ADAMTS17: variants seen among roughly 807,000 people sequenced by gnomAD.
ADAMTS17 encodes the protein A disintegrin and metalloproteinase with thrombospondin motifs 17.
Under a neutral mutation model 141.5 loss-of-function variants are expected in ADAMTS17, and 113 were observed. The ratio of observed to expected loss-of-function variants is 0.80; its 90% CI spans 0.69 to 0.93. The LOEUF is 0.93. Ranked by LOEUF, ADAMTS17 falls within the 40% of genes least tolerant of loss-of-function variation. The pLI is 0.00. For missense variants in ADAMTS17, 1,659 were observed against 1,517.9 expected (o/e 1.09, Z -1.54); for synonymous variants, 768 against 630.6 (o/e 1.22, Z -3.27).
At chr15:100,067,509 C>T (rs1462371462) in intron 15 of ADAMTS17, among the ~76,000 whole-genome samples, 2 of 152,188 alleles carry the variant, frequency 1.3e-5, no homozygotes, top group Non-Finnish European at 2.9e-5. Context: ...TATTAGACTA[C>T]TCATAGTTTT....
intron 13 of ADAMTS17, among the ~76,000 whole-genome samples, chr15:100,113,225 A>G (rs1436086134): frequency 6.6e-6 from 1 of 152,204 alleles, no homozygotes; most frequent in African/African-American, 2.4e-5. Context: ...CAGAGAGGTC[A>G]TGTCTGCTCG....
At chr15:100,332,898 C>T (rs2046098033) in intron 2 of ADAMTS17, among the ~76,000 whole-genome samples, 1 of 152,198 alleles carries the variant, frequency 6.6e-6, no homozygotes, top group African/African-American at 2.4e-5. Context: ...AGGCTAGCAC[C>T]AGGAAGGAGG....
intron 15 of ADAMTS17, among the ~76,000 whole-genome samples, chr15:100,058,227 CT>C (rs1413476098): frequency 1.6e-4 from 6 of 37,688 alleles, no homozygotes; most frequent in Admixed American, 3.8e-4. Flanking sequence ...GGCTCCAACA[CT>C]CCTATCCCAG....
intron 12 of ADAMTS17, chr15:100,129,413 G>C (rs1363786546): frequency 6.6e-6 from 1 of 152,224 alleles, no homozygotes; most frequent in Non-Finnish European, 1.5e-5. Flanking sequence ...CCAAGTTTCA[G>C]ATGAAAAGAC....
At chr15:100,193,938 T>C (rs1329952480) in intron 8 of ADAMTS17, among the ~76,000 whole-genome samples, 102 of 152,244 alleles carry the variant, frequency 6.7e-4, no homozygotes, top group Non-Finnish European at 1.0e-4. Flanking sequence ...CCACTTGGGC[T>C]GGAGACCTCC....
intron 12 of ADAMTS17, 125 bp from the exon 13 acceptor site, chr15:100,117,138 C>T: frequency 1.8e-6 from 2 of 1,133,644 alleles, no homozygotes; most frequent in Non-Finnish European, 2.6e-6. Flanking sequence ...AAGCCACCCC[C>T]TCTCTGCTGT....
In ADAMTS17 at chr15:99,993,320, C is replaced by A. The variant is rs2060729127; in HGVS notation, c.2797-120G>T. ...GGGATGATACAAAGATGAAAACCCA[C>A]ACTTCTGTCCTCAAAAAGCTCCTGG... On this transcript the variant is annotated intron_variant, in intron 19 of 21. Coordinates refer to ENST00000268070, the MANE Select transcript of ADAMTS17 (RefSeq NM_139057.4). This position sits in a 1 kb window ranked among gnomAD's most constrained non-coding sequence, Gnocchi z 4.3. 1 of 1,425,424 alleles carries A rather than the reference C, an allele frequency of 7.0e-7. No individual in the cohort carries two copies. The highest frequency in any genetic ancestry group is 2.3e-5 in the East Asian group (1 of 43,940). The allele number at this position is 1,425,424 out of a possible 1,614,324, so 88.3% of individuals were successfully genotyped here.
At position 99,993,586 on chromosome 15, in the gene ADAMTS17, G is replaced by A. The variant is rs2060734955; in HGVS notation, c.2797-386C>T. On this transcript the variant is annotated intron_variant, in intron 19 of 21. Transcript: ENST00000268070. The surrounding 1 kb of genome is among the most constrained non-coding windows in gnomAD (Gnocchi z 4.3). ...GAACAGGGGCCAGCCGGAGCAAGGT[G>A]AGGCCCTAAAGCTGAGTCCCAGGCC... Among the ~76,000 whole-genome samples the A allele has an allele frequency of 6.6e-6, 1 of 152,212 alleles. No individual in the cohort carries two copies. Among genetic ancestry groups the A allele is most frequent in the Middle Eastern group, 3.2e-3 (1 of 316 alleles).
At chr15:99,999,593 C>T (rs1229772122) in intron 18 of ADAMTS17, among the ~76,000 whole-genome samples, 1 of 152,126 alleles carries the variant, frequency 6.6e-6, no homozygotes, top group Non-Finnish European at 1.5e-5. Flanking sequence ...GGGTGAGATA[C>T]CTAGGGCCTG....
intron 2 of ADAMTS17, among the ~76,000 whole-genome samples, chr15:100,333,303 C>T (rs74037843): frequency 6.6e-6 from 1 of 151,950 alleles, no homozygotes; most frequent in African/African-American, 2.4e-5. Flanking sequence ...AGAAAAAATT[C>T]GACTGAAAAT....
intron 3 of ADAMTS17, among the ~76,000 whole-genome samples, chr15:100,317,798 T>C (rs904313143): frequency 4.6e-5 from 7 of 152,358 alleles, no homozygotes; most frequent in African/African-American, 1.4e-4. Context: ...TCCTCTGCCA[T>C]GGGTGCCTTG....
intron 8 of ADAMTS17, among the ~76,000 whole-genome samples, chr15:100,196,410 C>T (rs1207597856): frequency 4.6e-5 from 7 of 152,200 alleles, no homozygotes; most frequent in Non-Finnish European, 8.8e-5. Context: ...ATAAGTGGAA[C>T]GTACAGCTCA....
chr15:99,976,295 C>G, intron 20 of ADAMTS17, 73 bp from the exon 21 acceptor site: 1 of 1,519,382 alleles, frequency 6.6e-7, no homozygotes, highest in Non-Finnish European at 8.8e-7. Flanking sequence ...CACAATGTGG[C>G]ACTGCGGAGA....
intron 15 of ADAMTS17, among the ~76,000 whole-genome samples, chr15:100,066,327 T>G (rs915347056): frequency 3.3e-5 from 5 of 152,192 alleles, no homozygotes; most frequent in Non-Finnish European, 7.3e-5. Flanking sequence ...GAACTCAGAG[T>G]TGAACTGTGA....
At chr15:100,311,671 G>A (rs1205363957) in intron 3 of ADAMTS17, among the ~76,000 whole-genome samples, 4 of 151,964 alleles carry the variant, frequency 2.6e-5, no homozygotes, top group African/African-American at 9.7e-5. Flanking sequence ...ACACATATGC[G>A]CACACACAAA....
At chr15:100,248,956 G>C (rs960755335) in intron 7 of ADAMTS17, among the ~76,000 whole-genome samples, 1 of 152,058 alleles carries the variant, frequency 6.6e-6, no homozygotes, top group Non-Finnish European at 1.5e-5. Context: ...CCGCCACCAC[G>C]CCTGGCTAAT....
chr15:99,991,556 C>T (rs925284835), intron 20 of ADAMTS17, among the ~76,000 whole-genome samples: 1 of 152,172 alleles, frequency 6.6e-6, no homozygotes, highest in South Asian at 2.1e-4. Flanking sequence ...AATAGGAATG[C>T]TTTTACACTG....
At chr15:100,151,460 A>G (rs2039161300) in intron 10 of ADAMTS17, among the ~76,000 whole-genome samples, 1 of 152,182 alleles carries the variant, frequency 6.6e-6, no homozygotes, top group African/African-American at 2.4e-5. Context: ...TTGGGACCGC[A>G]TTCTGGAGGC....
chr15:100,247,793 G>C (rs1448552461), intron 7 of ADAMTS17, among the ~76,000 whole-genome samples: 3 of 152,002 alleles, frequency 2.0e-5, no homozygotes, highest in African/African-American at 7.3e-5. Context: ...AGCTCCTCTT[G>C]GTTTCATGGC....
Sources: gnomAD v4.1 joint callset for allele counts (sites outside exome capture counted in the v4.1 genomes callset) on GRCh38, gnomAD v4.1.1 for gene constraint, Gnocchi (gnomAD v3.1) non-coding constraint, MANE v1.5 for transcripts, NCBI Gene and HGNC (gene_info 2026-07-23, HGNC 2026-07-21) for gene names.